Variants in LYPD6 observed in about 807,000 individuals in gnomAD.
LYPD6 encodes LY6/PLAUR domain containing 6, also known as ly6/PLAUR domain-containing protein 6.
A neutral mutation model predicts 22.7 loss-of-function variants in LYPD6; 15 were observed. The ratio of observed to expected loss-of-function variants is 0.66; its 90% confidence interval spans 0.44 to 1.02. The LOEUF (loss-of-function observed/expected upper bound fraction) is 1.02. LYPD6 is among the 50% of genes least tolerant of loss of function. The pLI is 0.00. For missense variants in LYPD6, 189 were observed against 208.4 expected, an observed-to-expected ratio of 0.91 and a Z score of 0.57; for synonymous variants, 72 against 77.5, an observed-to-expected ratio of 0.93 and a Z score of 0.37.
intron 1 of LYPD6, among the ~76,000 whole-genome samples, chr2:149,357,786 T>TC (rs200536236): frequency 6.9e-5 from 8 of 116,502 alleles, no homozygotes; most frequent in African/African-American, 3.1e-4. Flanking sequence ...TTTTCTTTGC[T>TC]TTTTTTTTTT....
In LYPD6 at chr2:149,449,050, CA is replaced by C; in HGVS notation, c.121del (p.Thr41HisfsTer106). The C allele has an allele frequency of 6.2e-7, 1 of 1,606,168 alleles. No individual in the cohort carries two copies. On this transcript the variant is annotated frameshift_variant and splice_region_variant, in exon 3 of 5. Transcript: ENST00000334166. LOFTEE classifies it high-confidence loss of function. ...TTTTCTCTTAATCCTTTTTTTTAGC[CA>C]CACCATATCCTGGTGGATTTAAATG... is the stretch of plus-strand genomic sequence containing the variant. ...KDIIYLHPST[T>X]PYPGGFKCFT...
At chr2:149,409,312 G>T (rs1018026549) in intron 1 of LYPD6, among the ~76,000 whole-genome samples, 38 of 152,200 alleles carry the variant, frequency 2.5e-4, no homozygotes, top group African/African-American at 8.0e-4. Context: ...GAGGTAGCAG[G>T]GGAGTGATGT....
intron 1 of LYPD6, among the ~76,000 whole-genome samples, chr2:149,358,129 T>A (rs1011800000): frequency 3.9e-5 from 6 of 152,224 alleles, no homozygotes; most frequent in African/African-American, 1.4e-4. Flanking sequence ...TTAGAAGTTC[T>A]TACCTTTAAT....
chr2:149,336,339 T>C (rs577156603), intron 1 of LYPD6, among the ~76,000 whole-genome samples: 117 of 152,190 alleles, frequency 7.7e-4, no homozygotes, highest in African/African-American at 2.7e-3. Context: ...GGAAGAAAAA[T>C]AATAGAAGAT....
intron 1 of LYPD6, among the ~76,000 whole-genome samples, chr2:149,410,460 T>C (rs1480338482): frequency 6.6e-6 from 1 of 152,150 alleles, no homozygotes; most frequent in Non-Finnish European, 1.5e-5. Context: ...GTCTCAGACA[T>C]AGGATTCTAG....
intron 1 of LYPD6, among the ~76,000 whole-genome samples, chr2:149,343,784 A>G (rs1681204666): frequency 6.6e-6 from 1 of 152,212 alleles, no homozygotes; most frequent in South Asian, 2.1e-4. Context: ...TTTTAGGCCA[A>G]GCCAGGTAAC....
At chr2:149,389,989 A>AT (rs1675331539) in intron 1 of LYPD6, among the ~76,000 whole-genome samples, 1 of 152,168 alleles carries the variant, frequency 6.6e-6, no homozygotes, top group Non-Finnish European at 1.5e-5. Flanking sequence ...GCCTCTTGGC[A>AT]TTTTCCCAAA....
At chr2:149,394,648 C>T (rs565836996) in intron 1 of LYPD6, among the ~76,000 whole-genome samples, 24 of 152,102 alleles carry the variant, frequency 1.6e-4, no homozygotes, top group Non-Finnish European at 3.1e-4. Context: ...CTCTTTCTGT[C>T]TCTCTCTACA....
Position 149,377,894 on chromosome 2 carries a change from C to T in LYPD6, c.-72+47172C>T, listed in dbSNP as rs74456435. ...TATCATTACTCTTGCCCTGGAGCCT[C>T]CTGCAGGCCTCATGTGTATTCATCG... On this transcript the variant is annotated intron_variant, in intron 1 of 4. Coordinates refer to ENST00000334166, the MANE Select transcript of LYPD6 (RefSeq NM_194317.5). 8.7e-3 allele frequency among the ~76,000 whole-genome samples: 1,312 copies of T among 150,450 alleles called. 22 individuals are homozygous for T. Among genetic ancestry groups the T allele is most frequent in the African/African-American group, 0.031 (1,258 of 40,834 alleles).
intron 3 of LYPD6, among the ~76,000 whole-genome samples, chr2:149,458,659 A>G (rs149985224): frequency 2.2e-4 from 33 of 152,354 alleles, no homozygotes; most frequent in Non-Finnish European, 4.3e-4. Flanking sequence ...TAAAGCAGCC[A>G]TAATAAAAAT....
chr2:149,432,451 C>T (rs1354679428), intron 1 of LYPD6, among the ~76,000 whole-genome samples: 7 of 152,114 alleles, frequency 4.6e-5, no homozygotes, highest in Non-Finnish European at 4.4e-5. Context: ...ATCAGAGGTC[C>T]GTCCACACTG....
At chr2:149,445,371 C>T (rs540173116) in intron 2 of LYPD6, among the ~76,000 whole-genome samples, 1 of 152,322 alleles carries the variant, frequency 6.6e-6, no homozygotes, top group South Asian at 2.1e-4. Flanking sequence ...TGTATTAGCA[C>T]CTAACAAAAG....
chr2:149,332,363 C>G (rs1175139484), intron 1 of LYPD6, among the ~76,000 whole-genome samples: 1 of 152,208 alleles, frequency 6.6e-6, no homozygotes, highest in East Asian at 1.9e-4. Context: ...TGAAGCTACA[C>G]TCTCAAGCTG....
chr2:149,478,529 T>C (rs1308617856), downstream of LYPD6, among the ~76,000 whole-genome samples: 2 of 152,084 alleles, frequency 1.3e-5, no homozygotes, highest in African/African-American at 2.4e-5. Flanking sequence ...GCTCAAATGA[T>C]CCACCTGCCT....
intron 1 of LYPD6, among the ~76,000 whole-genome samples, chr2:149,339,238 G>A (rs934001596): frequency 2.6e-5 from 4 of 152,192 alleles, no homozygotes; most frequent in African/African-American, 9.6e-5. Flanking sequence ...AGGAACTCCT[G>A]CTTGCCATCA....
chr2:149,444,295 C>T (rs1683632965), intron 2 of LYPD6, among the ~76,000 whole-genome samples: 1 of 152,088 alleles, frequency 6.6e-6, no homozygotes, highest in Non-Finnish European at 1.5e-5. Flanking sequence ...TCATCTGAGC[C>T]TTTAGTGAGT....
At chr2:149,407,059 C>G (rs12616063) in intron 1 of LYPD6, among the ~76,000 whole-genome samples, 29,492 of 151,548 alleles carry the variant, frequency 0.19, 2,684 homozygotes, top group Middle Eastern at 0.22. Flanking sequence ...TGAATATTGG[C>G]CCCCACTCTC....
intron 1 of LYPD6, among the ~76,000 whole-genome samples, chr2:149,371,668 G>A (rs939807685): frequency 6.6e-6 from 1 of 152,146 alleles, no homozygotes; most frequent in African/African-American, 2.4e-5. Flanking sequence ...GAATCGTGTC[G>A]TCAGAACCCG....
chr2:149,468,674 A>G lies in LYPD6; in HGVS notation c.247A>G (p.Met83Val), dbSNP rs759548236. The change falls in exon 4 of 5, where the codon ATG (methionine) becomes GTG (valine). Residue 83 changes from methionine (M) to valine (V), a missense_variant. Coordinates refer to ENST00000334166, the MANE Select transcript of LYPD6 (RefSeq NM_194317.5). Reference protein sequence around the residue: ...ETRYCYTQHTMEVTGNSISVT... With the variant: ...ETRYCYTQHTVEVTGNSISVT... ...CAGATACTGCTACACTCAGCACACA[A>G]TGGAAGTCACAGGAAACAGTATCTC... 19 of 1,613,604 alleles carry G rather than the reference A, an allele frequency of 1.2e-5. No homozygotes were observed. The highest frequency in any genetic ancestry group is 1.4e-5 in the Non-Finnish European group (17 of 1,179,684).
Sources: gnomAD v4.1 joint callset for allele counts (sites outside exome capture counted in the v4.1 genomes callset) on GRCh38, gnomAD v4.1.1 for gene constraint, MANE v1.5 for transcripts, NCBI Gene and HGNC (gene_info 2026-07-23, HGNC 2026-07-21) for gene names.